The following UBXN11 variants were observed in gnomAD, a reference collection of about 807,000 sequenced individuals.
UBXN11 encodes UBX domain-containing protein 11.
A neutral mutation model predicts 62.8 loss-of-function variants in UBXN11; 47 were observed. The observed-to-expected ratio is 0.75, with a 90% CI of 0.59 to 0.95. The LOEUF (loss-of-function observed/expected upper bound fraction) is 0.95. Among genes scored for constraint, UBXN11 ranks in the 40% least tolerant of loss-of-function variants. UBXN11 has a pLI of 0.00. For missense variants in UBXN11, 638 were observed against 661.7 expected (o/e 0.96, Z 0.39); for synonymous variants, 294 against 267.0 (o/e 1.10, Z -0.99).
chr1:26,316,906 C>G (rs1456889429), intron 1 of UBXN11, among the ~76,000 whole-genome samples: 1 of 151,750 alleles, frequency 6.6e-6, no homozygotes, highest in Admixed American at 6.6e-5. Flanking sequence ...AACCCATCTG[C>G]TTGCTACTTT....
intron 1 of UBXN11, among the ~76,000 whole-genome samples, chr1:26,303,640 A>AAG (rs2073593417): frequency 6.6e-6 from 1 of 151,126 alleles, no homozygotes; most frequent in South Asian, 2.1e-4. Flanking sequence ...CAAAAAAAAA[A>AAG]AAAAAAAAAA....
chr1:26,293,540 A>C (rs1262003270), intron 8 of UBXN11, among the ~76,000 whole-genome samples: 1 of 152,026 alleles, frequency 6.6e-6, no homozygotes, highest in Middle Eastern at 3.2e-3. Flanking sequence ...AGCCTGGCCA[A>C]CATGGTAAAA....
At chr1:26,312,866 C>A (rs755410121) in intron 1 of UBXN11, among the ~76,000 whole-genome samples, 1 of 149,524 alleles carries the variant, frequency 6.7e-6, no homozygotes, top group African/African-American at 2.5e-5. Context: ...GTAATCCCAG[C>A]TACTCAGGAT....
chr1:26,301,542 GGGA>G (rs2073534103), intron 3 of UBXN11, 149 bp downstream of exon 3: 1 of 1,109,656 alleles, frequency 9.0e-7, no homozygotes, highest in Non-Finnish European at 1.3e-6. Context: ...CCAGCCCTCA[GGGA>G]GGACAGCATG....
chr1:26,318,192 A>G (rs1043240494), exon 1 of UBXN11: 1 of 834,848 alleles, frequency 1.2e-6, no homozygotes, highest in Non-Finnish European at 2.0e-6. Context: ...CAGCAGATGG[A>G]CTCCAACAGG....
upstream of UBXN11, among the ~76,000 whole-genome samples, chr1:26,308,935 ATTT>A (rs57323315): frequency 5.5e-5 from 6 of 108,270 alleles, no homozygotes; most frequent in African/African-American, 7.2e-5. Context: ...CAGTCGTTTG[ATTT>A]TTTTTTTTTT....
chr1:26,297,127 T>A, intron 6 of UBXN11, 132 bp from the exon 7 acceptor site: 1 of 1,094,852 alleles, frequency 9.1e-7, no homozygotes, highest in Non-Finnish European at 1.3e-6. Flanking sequence ...CCCACCTCTC[T>A]GGCCTCTCCT....
chr1:26,282,610 C>T (rs748449843), intron 14 of UBXN11, 39 bp downstream of exon 14: 5 of 1,612,730 alleles, frequency 3.1e-6, no homozygotes, highest in Non-Finnish European at 4.2e-6. Context: ...GCAGTGGGAC[C>T]AGAGCCCCTC....
Position 26,301,737 on chromosome 1 carries a change from AG to A in UBXN11, c.72-16del, listed in dbSNP as rs779880156. The A allele has an allele frequency of 1.2e-6, 2 of 1,613,902 alleles. No homozygotes were observed. Among genetic ancestry groups the A allele is most frequent in the Admixed American group, 3.3e-5 (2 of 59,996 alleles). The stretch of plus-strand genomic sequence containing the variant: ...TTCCTCGCCTCCTGGGAACCCAGGC[AG>A]GAAGAAGGAAGAAATATAAGTTAGG... On this transcript the variant is annotated splice_polypyrimidine_tract_variant and intron_variant, in intron 2 of 14. Coordinates refer to ENST00000374222, the MANE Select transcript of UBXN11 (RefSeq NM_001389556.1).
In UBXN11 at chr1:26,284,423, C is replaced by T. The variant is rs779513555; in HGVS notation, c.912G>A (p.Glu304=). The T allele has an allele frequency of 1.2e-6, 2 of 1,613,864 alleles. No individual in the cohort carries two copies. The highest frequency in any genetic ancestry group is 1.1e-5 in the South Asian group (1 of 91,040). ...LEDGLDPFPG[E]GRVVGRQLMH... ...TCAGCTGCCTGCCCACCACACGGCC[C>T]TCGCCTGGGAAGGGGTCCAGTCCAT... is the stretch of plus-strand genomic sequence containing the variant. The change falls in exon 11 of 15, where the codon GAG becomes GAA. Residue 304 remains glutamate, a synonymous_variant. Coordinates refer to ENST00000374222, the MANE Select transcript of UBXN11 (RefSeq NM_001389556.1).
chr1:26,310,634 A>G (rs1354590721), upstream of UBXN11, among the ~76,000 whole-genome samples: 3 of 151,456 alleles, frequency 2.0e-5, 1 homozygote, highest in Non-Finnish European at 4.4e-5. Flanking sequence ...AGGCTAAGGC[A>G]GGAGAATTGC....
intron 4 of UBXN11, among the ~76,000 whole-genome samples, chr1:26,298,397 C>G (rs1226327954): frequency 1.3e-5 from 2 of 152,200 alleles, no homozygotes; most frequent in African/African-American, 2.4e-5. Context: ...ACCTCCAAAT[C>G]TAGTGTCCAG....
At chr1:26,314,571 C>T (rs538716963) in intron 1 of UBXN11, among the ~76,000 whole-genome samples, 95 of 152,264 alleles carry the variant, frequency 6.2e-4, no homozygotes, top group African/African-American at 2.0e-3. Context: ...TAAATATTTA[C>T]TGGATGAATA....
At chr1:26,299,277 C>A (rs900872518) in intron 4 of UBXN11, among the ~76,000 whole-genome samples, 1 of 151,236 alleles carries the variant, frequency 6.6e-6, no homozygotes, top group Non-Finnish European at 1.5e-5. Context: ...TTTGGGAGGC[C>A]GAGGCGGGCA....
intron 1 of UBXN11, among the ~76,000 whole-genome samples, chr1:26,312,147 GT>G (rs1251234625): frequency 6.6e-6 from 1 of 151,918 alleles, no homozygotes; most frequent in African/African-American, 2.4e-5. Flanking sequence ...CCTTCAACAA[GT>G]TCAAATGTCC....
upstream of UBXN11, among the ~76,000 whole-genome samples, chr1:26,308,221 C>G (rs551579636): frequency 1.7e-3 from 254 of 148,604 alleles, 1 homozygote; most frequent in Non-Finnish European, 2.9e-3. Context: ...GAGCTGAGAT[C>G]GCACCATTGC....
chr1:26,285,673 G>T, intron 9 of UBXN11, 132 bp from the exon 10 acceptor site: 1 of 1,363,318 alleles, frequency 7.3e-7, no homozygotes. Flanking sequence ...AGAGTCCCAG[G>T]CCTTGGGAGA....
intron 8 of UBXN11, among the ~76,000 whole-genome samples, chr1:26,288,380 A>G (rs2073179185): frequency 6.6e-6 from 1 of 152,192 alleles, no homozygotes; most frequent in South Asian, 2.1e-4. Flanking sequence ...TTAAAGAAGT[A>G]AAAGCAGGTG....
At chr1:26,301,141 G>T in intron 3 of UBXN11, 117 bp from the exon 4 acceptor site, 1 of 1,555,486 alleles carries the variant, frequency 6.4e-7, no homozygotes, top group Admixed American at 1.9e-5. Flanking sequence ...AGTTTGAGGA[G>T]AGAGAATTCA....
Sources: allele counts gnomAD v4.1 joint callset (sites outside exome capture counted in the v4.1 genomes callset), GRCh38; gene constraint gnomAD v4.1.1; transcripts MANE v1.5; gene names NCBI Gene and HGNC (gene_info 2026-07-23, HGNC 2026-07-21).